DLGAP1: variants seen among roughly 807,000 people sequenced by gnomAD.
DLGAP1 encodes the protein disks large-associated protein 1.
Under a neutral mutation model 90.8 loss-of-function variants are expected in DLGAP1, and 11 were observed. The observed-to-expected ratio is 0.12, with a 90% CI of 0.08 to 0.20. The LOEUF (loss-of-function observed/expected upper bound fraction) is 0.20, where lower values mean the gene tolerates loss of function less well. Ranked by LOEUF, DLGAP1 falls within the 10% of genes least tolerant of loss-of-function variation. The pLI is 1.00. For missense variants in DLGAP1, 1,050 were observed against 1,333.8 expected (o/e 0.79, Z 3.31); for synonymous variants, 558 against 540.7 (o/e 1.03, Z -0.44).
At chr18:4,292,485 G>A (rs1369168482) in intron 1 of DLGAP1, among the ~76,000 whole-genome samples, 3 of 151,006 alleles carry the variant, frequency 2.0e-5, no homozygotes, top group Non-Finnish European at 3.0e-5. Context: ...CTATGTTGTT[G>A]GATAATCTCT....
intron 10 of DLGAP1, 122 bp downstream of exon 10, chr18:3,534,072 T>C (rs1171822641): frequency 5.4e-6 from 6 of 1,104,358 alleles, no homozygotes; most frequent in Non-Finnish European, 7.7e-6. Context: ...ATGTTCTGGT[T>C]TGGGGTGTGG....
chr18:3,747,731 T>C (rs1005542140), intron 5 of DLGAP1, among the ~76,000 whole-genome samples: 1 of 152,194 alleles, frequency 6.6e-6, no homozygotes, highest in Admixed American at 6.5e-5. Flanking sequence ...TAAGGCACAA[T>C]TCCCAAATTT....
intron 1 of DLGAP1, among the ~76,000 whole-genome samples, chr18:4,261,233 C>T (rs766417576): frequency 3.9e-5 from 6 of 152,076 alleles, no homozygotes; most frequent in Non-Finnish European, 7.4e-5. Flanking sequence ...CTAATGAAAA[C>T]AGGGTAGCCG....
At chr18:4,007,548 C>T (rs529964631) in intron 2 of DLGAP1, among the ~76,000 whole-genome samples, 9 of 152,092 alleles carry the variant, frequency 5.9e-5, no homozygotes, top group African/African-American at 1.4e-4. Context: ...CCCAGCTACT[C>T]GGGAGGCTGA....
chr18:4,099,337 A>G (rs777206119), intron 2 of DLGAP1, among the ~76,000 whole-genome samples: 26 of 123,934 alleles, frequency 2.1e-4, no homozygotes, highest in African/African-American at 9.1e-4. Context: ...CTATCTATCT[A>G]TCTATCTATC....
chr18:3,977,678 C>CTGTTGCT (rs2073624078), intron 3 of DLGAP1: 1 of 314,972 alleles, frequency 3.2e-6, no homozygotes, highest in Non-Finnish European at 6.1e-6. Flanking sequence ...ATAAGGTCTA[C>CTGTTGCT]TACCCTGTTG....
intron 3 of DLGAP1, among the ~76,000 whole-genome samples, chr18:3,974,736 A>G (rs2073533532): frequency 6.6e-6 from 1 of 152,168 alleles, no homozygotes; most frequent in South Asian, 2.1e-4. Flanking sequence ...AGGTGATTGA[A>G]ACAGGGAAGA....
chr18:3,940,744 A>C (rs1240587362), intron 3 of DLGAP1, among the ~76,000 whole-genome samples: 9 of 152,252 alleles, frequency 5.9e-5, no homozygotes, highest in Non-Finnish European at 7.3e-5. Flanking sequence ...AGTGGTTTTC[A>C]TTAATGCTTC....
intron 4 of DLGAP1, among the ~76,000 whole-genome samples, chr18:3,815,945 G>A (rs181620757): frequency 3.5e-4 from 54 of 152,246 alleles, no homozygotes; most frequent in Non-Finnish European, 5.1e-4. Context: ...AATGGTGATG[G>A]GAAAGGAGGA....
chr18:4,310,479 T>C (rs2080373037), intron 1 of DLGAP1, among the ~76,000 whole-genome samples: 1 of 152,208 alleles, frequency 6.6e-6, no homozygotes, highest in South Asian at 2.1e-4. Flanking sequence ...TCAAGAAGGC[T>C]GCAATCATCC....
chr18:3,523,336 T>C (rs935592081), intron 10 of DLGAP1, among the ~76,000 whole-genome samples: 5 of 149,650 alleles, frequency 3.3e-5, no homozygotes, highest in South Asian at 2.1e-4. Context: ...AAGATCACAC[T>C]ACCGCACTCC....
At chr18:3,811,460 C>G (rs998227568) in intron 5 of DLGAP1, among the ~76,000 whole-genome samples, 5 of 152,150 alleles carry the variant, frequency 3.3e-5, no homozygotes, top group African/African-American at 9.7e-5. Context: ...TGCCAAAGAA[C>G]AGGGGACAAC....
intron 3 of DLGAP1, among the ~76,000 whole-genome samples, chr18:3,933,985 T>C (rs1387623505): frequency 6.6e-6 from 1 of 152,146 alleles, no homozygotes; most frequent in African/African-American, 2.4e-5. Context: ...TTGGAGGCCA[T>C]TAAACATTAA....
intron 7 of DLGAP1, among the ~76,000 whole-genome samples, chr18:3,710,854 G>T (rs564906655): frequency 6.6e-6 from 1 of 152,156 alleles, no homozygotes. Flanking sequence ...TGGAAGCAGC[G>T]CCAGAGCCCT....
At chr18:3,901,239 T>A (rs1599135704) in intron 3 of DLGAP1, among the ~76,000 whole-genome samples, 1 of 152,088 alleles carries the variant, frequency 6.6e-6, no homozygotes, top group Non-Finnish European at 1.5e-5. Context: ...CAGCTCCTAC[T>A]CATCCTTCAA....
At chr18:3,510,376 C>A (rs1299974514) in intron 10 of DLGAP1, among the ~76,000 whole-genome samples, 1 of 152,202 alleles carries the variant, frequency 6.6e-6, no homozygotes, top group Admixed American at 6.5e-5. Context: ...GATCAGAAAC[C>A]TCTACCTCTT....
At chr18:4,131,992 A>G (rs374376986) in intron 2 of DLGAP1, among the ~76,000 whole-genome samples, 4 of 152,186 alleles carry the variant, frequency 2.6e-5, no homozygotes, top group East Asian at 1.9e-4. Context: ...ATCTGGCAGA[A>G]TTTCAAAAGC....
chr18:3,615,230 A>G (rs1216246955), intron 7 of DLGAP1, among the ~76,000 whole-genome samples: 2 of 152,108 alleles, frequency 1.3e-5, no homozygotes, highest in Non-Finnish European at 2.9e-5. Context: ...CAGACAAAAT[A>G]ATTTTTAAAA....
intron 1 of DLGAP1, among the ~76,000 whole-genome samples, chr18:4,224,404 C>T (rs987664709): frequency 8.5e-5 from 13 of 152,126 alleles, no homozygotes; most frequent in South Asian, 4.1e-4. Flanking sequence ...TCTTGGGGTC[C>T]GTGATACCAG....
Sources: gnomAD v4.1 joint callset for allele counts (sites outside exome capture counted in the v4.1 genomes callset) on GRCh38, gnomAD v4.1.1 for gene constraint, MANE v1.5 for transcripts, NCBI Gene and HGNC (gene_info 2026-07-23, HGNC 2026-07-21) for gene names.